EMC7: variants seen among roughly 807,000 people sequenced by gnomAD.
EMC7 encodes the protein ER membrane protein complex subunit 7.
In EMC7, 4 loss-of-function variants were observed where a neutral mutation model predicts 24.4. That is an observed-to-expected ratio of 0.16 (90% CI 0.08 to 0.38). EMC7 has a LOEUF of 0.38. Ranked by LOEUF, EMC7 falls within the 10% of genes least tolerant of loss-of-function variation. The probability of loss-of-function intolerance (pLI) is 1.00; values close to 1 mark genes in which losing one functional copy is unlikely to be tolerated. For missense variants in EMC7, 221 were observed against 300.6 expected (o/e 0.74, Z 1.96); for synonymous variants, 106 against 112.0 (o/e 0.95, Z 0.34).
At chr15:34,084,871 T>C (rs1369202511) in intron 4 of EMC7, among the ~76,000 whole-genome samples, 3 of 152,030 alleles carry the variant, frequency 2.0e-5, no homozygotes, top group Non-Finnish European at 4.4e-5. Flanking sequence ...ACATTAGGTA[T>C]ATCTTCTAAT....
intron 1 of EMC7, among the ~76,000 whole-genome samples, chr15:34,099,109 TTTTG>T (rs71415552): frequency 0.52 from 78,330 of 151,764 alleles, 21,974 homozygotes; most frequent in Non-Finnish European, 0.64. Context: ...GTAATGTGGT[TTTTG>T]TTTAAGTCCT....
chr15:34,086,727 C>T (rs1389931875), intron 4 of EMC7, among the ~76,000 whole-genome samples: 1 of 152,230 alleles, frequency 6.6e-6, no homozygotes, highest in African/African-American at 2.4e-5. Flanking sequence ...CCGCGCCCGG[C>T]CAGAATGAAC....
intron 3 of EMC7, among the ~76,000 whole-genome samples, chr15:34,088,423 A>G (rs1432368623): frequency 6.6e-6 from 1 of 150,740 alleles, no homozygotes; most frequent in Middle Eastern, 3.5e-3. Context: ...GCAGAGTTAC[A>G]GTGTTATTTA....
intron 1 of EMC7, among the ~76,000 whole-genome samples, chr15:34,096,305 G>A (rs1230006411): frequency 6.6e-6 from 1 of 152,158 alleles, no homozygotes; most frequent in East Asian, 1.9e-4. Flanking sequence ...CGAGTAGCTG[G>A]GATTACAGGC....
chr15:34,093,806 C>CACACACGCACAT lies in EMC7; in HGVS notation c.356+2088_356+2089insATGTGCGTGTGT, dbSNP rs61440619. On this transcript the variant is annotated intron_variant, in intron 2 of 4. Transcript: ENST00000256545. Reference sequence around the variant, plus strand: ...ATACACACACACACACACACACACACATATATATATATATATATTTTTTTT... The same window carrying CACACACGCACAT: ...ATACACACACACACACACACACACACACACACGCACATATATATATATATATATATTTTTTTT... Among the ~76,000 whole-genome samples the CACACACGCACAT allele has an allele frequency of 3.0e-4, 9 of 30,250 alleles. 2 individuals are homozygous for CACACACGCACAT. Among genetic ancestry groups the CACACACGCACAT allele is most frequent in the Non-Finnish European group, 6.3e-4 (8 of 12,788 alleles). The allele number at this position is 30,250 out of a possible 152,430, so 19.8% of individuals were successfully genotyped here.
In EMC7 at chr15:34,084,240, C is replaced by G; in HGVS notation, c.*94G>C. The G allele has an allele frequency of 6.8e-7, 1 of 1,466,218 alleles. No homozygotes were observed. The highest frequency in any genetic ancestry group is 9.2e-7 in the Non-Finnish European group (1 of 1,085,970). 90.8% of individuals were successfully genotyped at this position (1,466,218 alleles called of 1,614,324 possible). A position where few individuals can be genotyped will look rare whatever the true frequency, so the allele number is the denominator to read the frequency against. On this transcript the variant is annotated 3_prime_UTR_variant, in exon 5 of 5. Transcript: ENST00000256545. ...GTAAGAGATCAACGTCGGGATGACT[C>G]AAGTTTATAGTAGTTGCTTCACACG...
chr15:34,093,761 T>A (rs1401375537), intron 2 of EMC7, among the ~76,000 whole-genome samples: 2 of 116,410 alleles, frequency 1.7e-5, no homozygotes, highest in Admixed American at 9.7e-5. Context: ...TAAAAGAACT[T>A]TACATATACA....
chr15:34,090,216 C>T (rs1245877211), intron 3 of EMC7, 101 bp downstream of exon 3: 1 of 1,206,328 alleles, frequency 8.3e-7, no homozygotes, highest in Non-Finnish European at 1.1e-6. Flanking sequence ...TTTCATCCAC[C>T]AATCTGACCT....
intron 2 of EMC7, among the ~76,000 whole-genome samples, chr15:34,095,038 T>A (rs562172973): frequency 6.6e-6 from 1 of 152,324 alleles, no homozygotes; most frequent in Non-Finnish European, 1.5e-5. Context: ...CAATTTTGAG[T>A]CTCTACAAGT....
intron 2 of EMC7, among the ~76,000 whole-genome samples, chr15:34,093,806 C>CACACACACACACACATAT (rs61440619): frequency 1.7e-4 from 5 of 30,238 alleles, no homozygotes; most frequent in East Asian, 1.4e-3. Flanking sequence ...CACACACACA[C>CACACACACACACACATAT]ATATATATAT....
At chr15:34,088,638 C>T (rs111801839) in intron 3 of EMC7, among the ~76,000 whole-genome samples, 1 of 152,138 alleles carries the variant, frequency 6.6e-6, no homozygotes, top group African/African-American at 2.4e-5. Context: ...TACACTTCCA[C>T]GGAATTTCAG....
At chr15:34,092,752 C>CACTGCT (rs1424371168) in intron 2 of EMC7, among the ~76,000 whole-genome samples, 21 of 152,234 alleles carry the variant, frequency 1.4e-4, no homozygotes, top group Non-Finnish European at 2.6e-4. Context: ...ACATGAATCC[C>CACTGCT]ACTGCTGCAA....
intron 1 of EMC7, 47 bp downstream of exon 1, chr15:34,101,557 T>TC: frequency 6.3e-7 from 1 of 1,591,170 alleles, no homozygotes; most frequent in South Asian, 1.1e-5. Flanking sequence ...GGGGTCCCTG[T>TC]CCGGCCTCCA....
intron 2 of EMC7, among the ~76,000 whole-genome samples, chr15:34,093,806 C>CACACACACACACACATATATATATAT (rs61440619): frequency 3.3e-5 from 1 of 30,244 alleles, no homozygotes; most frequent in Non-Finnish European, 7.8e-5. Context: ...CACACACACA[C>CACACACACACACACATATATATATAT]ATATATATAT....
chr15:34,096,429 C>A (rs1392759444), intron 1 of EMC7, among the ~76,000 whole-genome samples: 1 of 152,118 alleles, frequency 6.6e-6, no homozygotes, highest in African/African-American at 2.4e-5. Context: ...TCTCAGCCTC[C>A]CAAAGTGCTG....
chr15:34,096,785 A>G (rs1901075154), intron 1 of EMC7, among the ~76,000 whole-genome samples: 1 of 151,776 alleles, frequency 6.6e-6, no homozygotes, highest in Non-Finnish European at 1.5e-5. Flanking sequence ...GTTGGGAGTT[A>G]GAGACCAGCC....
Position 34,101,716 on chromosome 15 carries a change from C to T in EMC7, c.124G>A (p.Gly42Arg), listed in dbSNP as rs759705686. ...CGCCCCTCAATCTTGAAGCGATCTC[C>T]TATGCCGACCCCACTCCCTCCCGAT... ...EGSGGSGVGI[G>R]DRFKIEGRAV... Residue 42 changes from glycine (G) to arginine (R), a missense_variant, in exon 1 of 5, where the codon GGA becomes AGA. By Grantham distance (125) the Gly-to-Arg change is moderately radical. Around this residue, in one of 2 missense-constraint regions of EMC7, gnomAD observed 156 missense variants for 177.1 expected, o/e 0.88. Coordinates refer to ENST00000256545, the MANE Select transcript of EMC7 (RefSeq NM_020154.3). 1 of 1,613,886 alleles carries T rather than the reference C, an allele frequency of 6.2e-7. No individual in the cohort carries two copies. The highest frequency in any genetic ancestry group is 1.7e-5 in the Admixed American group (1 of 59,956).
At chr15:34,090,022 GT>G (rs1900954204) in intron 3 of EMC7, among the ~76,000 whole-genome samples, 1 of 152,124 alleles carries the variant, frequency 6.6e-6, no homozygotes, top group Non-Finnish European at 1.5e-5. Context: ...ACAGCTCCAG[GT>G]ATGACTGACT....
Position 34,087,343 on chromosome 15 carries a change from C to T in EMC7, c.576+710G>A, listed in dbSNP as rs1349252755. Reference sequence around the variant, plus strand: ...AAAAAATGAAGAGTTCAAATAGAAGCCAATATTCAAAGAGAAAATGTGGTG... The same window carrying T: ...AAAAAATGAAGAGTTCAAATAGAAGTCAATATTCAAAGAGAAAATGTGGTG... On this transcript the variant is annotated intron_variant, in intron 4 of 4. Transcript: ENST00000256545. Among the ~76,000 whole-genome samples the T allele has an allele frequency of 2.6e-5, 4 of 152,218 alleles. No homozygotes were observed. The East Asian group carries it at 7.7e-4, about 29-fold the overall frequency.
Sources: allele counts gnomAD v4.1 joint callset (sites outside exome capture counted in the v4.1 genomes callset), GRCh38; gene constraint gnomAD v4.1.1; regional missense constraint gnomAD v4.1.1; transcripts MANE v1.5; gene names NCBI Gene and HGNC (gene_info 2026-07-23, HGNC 2026-07-21).